Variants in TLK1 observed in about 807,000 individuals in gnomAD.
TLK1 encodes the protein serine/threonine-protein kinase tousled-like 1.
TLK1 carries 24 observed loss-of-function variants against 105.3 expected under a neutral mutation model. The ratio of observed to expected loss-of-function variants is 0.23; its 90% CI spans 0.17 to 0.32. TLK1 has a LOEUF of 0.32. Ranked by LOEUF, TLK1 falls within the 10% of genes least tolerant of loss-of-function variation. The pLI, the probability that TLK1 is intolerant of heterozygous loss-of-function variation, is 1.00. For synonymous variants in TLK1, 321 were observed against 310.4 expected (o/e 1.03, Z -0.36); for missense variants, 558 against 910.5 (o/e 0.61, Z 4.98).
intron 1 of TLK1, among the ~76,000 whole-genome samples, chr2:171,189,442 A>AAAT (rs1693100819): frequency 2.0e-5 from 3 of 152,122 alleles, no homozygotes; most frequent in Non-Finnish European, 4.4e-5. Context: ...TGGGATTATG[A>AAAT]TAGTACAATT....
rs974897856 is a variant in TLK1, at chr2:171,074,892, G to C, written c.330+7889C>G. On this transcript the variant is annotated intron_variant, in intron 3 of 20. Transcript: ENST00000431350. The stretch of plus-strand genomic sequence containing the variant: ...AGGAGAACAGATTTAAAGAGAGTTA[G>C]TCAAAAGCAAGGTAATTTATTCAGG... Among the ~76,000 whole-genome samples, 49 of 151,986 alleles carry C rather than the reference G, an allele frequency of 3.2e-4. 1 individual carries two copies. Among genetic ancestry groups the C allele is most frequent in the African/African-American group, 1.1e-3 (47 of 41,414 alleles).
intron 2 of TLK1, among the ~76,000 whole-genome samples, chr2:171,115,236 A>G (rs1690366478): frequency 7.2e-6 from 1 of 138,588 alleles, no homozygotes; most frequent in African/African-American, 2.9e-5. Context: ...CAATGGCGCC[A>G]TCTTGGCTCA....
At chr2:171,164,248 A>G (rs1201879279), upstream of TLK1, among the ~76,000 whole-genome samples, 1 of 152,204 alleles carries the variant, frequency 6.6e-6, no homozygotes, top group Non-Finnish European at 1.5e-5. Context: ...GGAGTTATTT[A>G]AACAAACTGC....
intron 3 of TLK1, among the ~76,000 whole-genome samples, chr2:171,071,734 C>A (rs932414166): frequency 1.3e-5 from 2 of 152,088 alleles, no homozygotes; most frequent in South Asian, 4.1e-4. Flanking sequence ...CAGTCTTTAA[C>A]CCATTTTGAT....
chr2:171,016,999 C>T (rs971754377), intron 12 of TLK1, among the ~76,000 whole-genome samples: 1 of 151,964 alleles, frequency 6.6e-6, no homozygotes, highest in Non-Finnish European at 1.5e-5. Context: ...CTGAAATTTC[C>T]TCATTAACAG....
chr2:171,014,817 A>G (rs748809417), intron 13 of TLK1, 34 bp downstream of exon 13: 2 of 1,492,470 alleles, frequency 1.3e-6, no homozygotes, highest in Admixed American at 3.4e-5. Context: ...TAGTTTTAAT[A>G]ATATGAAACT....
At chr2:171,200,767 G>A (rs1024482071) in intron 1 of TLK1, among the ~76,000 whole-genome samples, 1 of 151,900 alleles carries the variant, frequency 6.6e-6, no homozygotes, top group Non-Finnish European at 1.5e-5. Context: ...GTCTTAATTA[G>A]CAACAGAAAT....
chr2:171,060,095 A>G (rs1687681912), intron 4 of TLK1: 2 of 1,508,756 alleles, frequency 1.3e-6, no homozygotes, highest in Admixed American at 2.3e-5. Flanking sequence ...TAAGTGAGGA[A>G]GGTGAAACAA....
Position 170,992,460 on chromosome 2 carries a change from AG to A in TLK1, c.*1319del, listed in dbSNP as rs762114247. 6.6e-6 allele frequency: 1 copy of A among 152,642 alleles called. No individual in the cohort carries two copies. The highest frequency in any genetic ancestry group is 1.5e-5 in the Non-Finnish European group (1 of 68,016). 9.5% of individuals were successfully genotyped at this position (152,642 alleles called of 1,614,324 possible). On this transcript the variant is annotated 3_prime_UTR_variant, in exon 21 of 21. Transcript: ENST00000431350. Reference sequence around the variant, plus strand: ...AATATTGGTTTCTACCCTACGAGGCAGTTAGAAAACGTTCACATTTTAACAA... The same window carrying A: ...AATATTGGTTTCTACCCTACGAGGCATTAGAAAACGTTCACATTTTAACAA...
chr2:171,182,008 T>A (rs1692936402), intron 1 of TLK1, among the ~76,000 whole-genome samples: 1 of 152,210 alleles, frequency 6.6e-6, no homozygotes. Context: ...GAACCTACTC[T>A]GGGTCGATCC....
In TLK1 at chr2:171,009,351, T is replaced by C. The variant is rs181006898; in HGVS notation, c.1416+2022A>G. ...AAATGTCTCCCTCTGTCCCCCAGGG[T>C]GGAGTGCAGTAGCACAATCTTGGCT... On this transcript the variant is annotated intron_variant, in intron 14 of 20. Coordinates refer to ENST00000431350, the MANE Select transcript of TLK1 (RefSeq NM_012290.5). Among the ~76,000 whole-genome samples, 45 of 128,676 alleles carry C rather than the reference T, an allele frequency of 3.5e-4. 1 individual carries two copies. Among genetic ancestry groups the C allele is most frequent in the African/African-American group, 1.2e-3 (39 of 32,784 alleles). 84.4% of individuals were successfully genotyped at this position (128,676 alleles called of 152,430 possible). A position where few individuals can be genotyped will look rare whatever the true frequency, so the allele number is the denominator to read the frequency against.
chr2:171,185,570 C>T (rs1321944862), intron 1 of TLK1, among the ~76,000 whole-genome samples: 1 of 152,142 alleles, frequency 6.6e-6, no homozygotes. Context: ...CTGCTTCTGC[C>T]TAGAATATCT....
At chr2:171,171,264 G>T (rs879898753) in intron 1 of TLK1, among the ~76,000 whole-genome samples, 16 of 152,138 alleles carry the variant, frequency 1.1e-4, no homozygotes, top group Non-Finnish European at 2.1e-4. Context: ...ACTTTGGGAG[G>T]CCAAGGCAGG....
intron 1 of TLK1, among the ~76,000 whole-genome samples, chr2:171,138,152 G>A (rs1405478988): frequency 6.6e-6 from 1 of 152,140 alleles, no homozygotes; most frequent in African/African-American, 2.4e-5. Context: ...TTTATCGTGT[G>A]AGCTTTCAAA....
chr2:171,045,190 C>T (rs4668367), intron 11 of TLK1: 138,329 of 150,566 alleles, frequency 0.92, 64,596 homozygotes, highest in East Asian at 1. Context: ...GAAAAGAATA[C>T]ATGACATACA....
intron 3 of TLK1, chr2:171,067,045 G>T (rs1328597608): frequency 5.1e-6 from 7 of 1,385,074 alleles, no homozygotes; most frequent in Non-Finnish European, 6.7e-6. Flanking sequence ...ACATACTCCT[G>T]TATCATACCC....
chr2:171,064,037 A>T (rs1005158538), intron 3 of TLK1, among the ~76,000 whole-genome samples: 4 of 152,224 alleles, frequency 2.6e-5, no homozygotes, highest in African/African-American at 9.6e-5. Flanking sequence ...CCCAGTGTGG[A>T]GGTATGGGAC....
At chr2:171,076,302 T>A (rs532026792) in intron 3 of TLK1, among the ~76,000 whole-genome samples, 8 of 151,588 alleles carry the variant, frequency 5.3e-5, no homozygotes, top group Admixed American at 3.3e-4. Context: ...ACTGACAGAG[T>A]GGGTTCCTGA....
chr2:171,124,884 T>C (rs759103649), intron 1 of TLK1, among the ~76,000 whole-genome samples: 23 of 152,208 alleles, frequency 1.5e-4, no homozygotes, highest in Non-Finnish European at 3.4e-4. Context: ...ACTCCTTGAA[T>C]AAAGAACAAC....
Sources: gnomAD v4.1 joint callset for allele counts (sites outside exome capture counted in the v4.1 genomes callset) on GRCh38, gnomAD v4.1.1 for gene constraint, MANE v1.5 for transcripts, NCBI Gene and HGNC (gene_info 2026-07-23, HGNC 2026-07-21) for gene names.